Variants in API5 observed in about 807,000 individuals in gnomAD.
API5 encodes the protein apoptosis inhibitor 5, also known as FIF.
A neutral mutation model predicts 71.9 loss-of-function variants in API5; 6 were observed. That is an observed-to-expected ratio of 0.08 (90% CI 0.05 to 0.16). The LOEUF is 0.16. API5 is among the 10% of genes least tolerant of loss of function. The pLI, the probability that API5 is intolerant of heterozygous loss-of-function variation, is 1.00. For missense variants in API5, 332 were observed against 612.8 expected (o/e 0.54, Z 4.84); for synonymous variants, 189 against 221.3 (o/e 0.85, Z 1.30).
chr11:43,330,619 A>AC (rs1235933963), intron 11 of API5, 55 bp downstream of exon 11: 1 of 1,377,824 alleles, frequency 7.3e-7, no homozygotes, highest in Non-Finnish European at 1.0e-6. Flanking sequence ...TCATACATTT[A>AC]TTTATTTAAA....
Position 43,322,424 on chromosome 11 carries a change from CTT to C in API5, c.543+290_543+291del, listed in dbSNP as rs533531958. Among the ~76,000 whole-genome samples, 9 of 152,274 alleles carry C rather than the reference CTT, an allele frequency of 5.9e-5. No homozygotes were observed. The South Asian group carries it at 1.9e-3, about 32-fold the overall frequency. ...TCTGCAAATCACCTCCTTCAGGAAA[CTT>C]TCCCTAAGTCCTACCCCTCCCTTCC... On this transcript the variant is annotated intron_variant, in intron 5 of 13. Coordinates refer to ENST00000531273, the MANE Select transcript of API5 (RefSeq NM_001142930.2).
At chr11:43,340,596 G>A (rs545033977) in intron 13 of API5, among the ~76,000 whole-genome samples, 7 of 151,874 alleles carry the variant, frequency 4.6e-5, no homozygotes, top group Non-Finnish European at 1.0e-4. Flanking sequence ...CAGAGCAATG[G>A]AACAGAACAG....
chr11:43,338,547 A>C (rs1480142536), intron 13 of API5, among the ~76,000 whole-genome samples: 6 of 151,818 alleles, frequency 4.0e-5, no homozygotes, highest in Non-Finnish European at 7.4e-5. Flanking sequence ...AACTATTGAA[A>C]AGATCATGAA....
At chr11:43,315,853 C>T (rs925367867) in intron 1 of API5, among the ~76,000 whole-genome samples, 3 of 152,074 alleles carry the variant, frequency 2.0e-5, no homozygotes, top group Non-Finnish European at 4.4e-5. Flanking sequence ...CAAGCTGTGG[C>T]CCACCATTAT....
At chr11:43,335,644 T>C (rs895704161) in intron 12 of API5, among the ~76,000 whole-genome samples, 4 of 152,172 alleles carry the variant, frequency 2.6e-5, no homozygotes, top group Non-Finnish European at 5.9e-5. Context: ...AGCTACATAT[T>C]TCAGATTATT....
At chr11:43,327,045 T>C (rs1170696698) in intron 7 of API5, among the ~76,000 whole-genome samples, 1 of 152,262 alleles carries the variant, frequency 6.6e-6, no homozygotes, top group Admixed American at 6.5e-5. Context: ...TACATTTGTT[T>C]ATAATCTCTC....
Position 43,342,540 on chromosome 11 carries a change from A to C in API5, c.*30A>C. 6.2e-7 allele frequency: 1 copy of C among 1,605,818 alleles called. No individual in the cohort carries two copies. The highest frequency in any genetic ancestry group is 8.5e-7 in the Non-Finnish European group (1 of 1,172,678). ...GACATCAGCATTCTTCAGCATTGTC[A>C]TGAGCTTAATATACTTAAATTCTAC... On this transcript the variant is annotated 3_prime_UTR_variant, in exon 14 of 14. Coordinates refer to ENST00000531273, the MANE Select transcript of API5 (RefSeq NM_001142930.2).
chr11:43,318,643 A>G lies in API5; in HGVS notation c.73A>G (p.Lys25Glu), dbSNP rs1854759757. 2 of 1,612,428 alleles carry G rather than the reference A, an allele frequency of 1.2e-6. No individual in the cohort carries two copies. ...ADATEQVGQH[K>E]DAYQVILDGV... ...CCTGCTTTATTTTTTATTTCAGCATAAAGATGCCTATCAAGTGATATTGGA... is the reference window on the plus strand; with the variant it reads ...CCTGCTTTATTTTTTATTTCAGCATGAAGATGCCTATCAAGTGATATTGGA... Residue 25 changes from lysine (K) to glutamate (E), a missense_variant, in exon 2 of 14, where the codon AAA becomes GAA. By Grantham distance (56) the Lys-to-Glu change is moderately conservative. This residue lies in a region of API5 where 127 missense variants were observed against 237.6 expected (regional missense o/e 0.53). Transcript: ENST00000531273.
chr11:43,333,249 A>G (rs1167888686), intron 11 of API5, among the ~76,000 whole-genome samples: 1 of 151,812 alleles, frequency 6.6e-6, no homozygotes, highest in Admixed American at 6.6e-5. Context: ...ACCTACACAA[A>G]CCCTCCCCTA....
intron 1 of API5, among the ~76,000 whole-genome samples, chr11:43,315,747 C>T (rs574828200): frequency 5.4e-4 from 82 of 152,230 alleles, no homozygotes; most frequent in Admixed American, 1.1e-3. Context: ...CTCTGCTACT[C>T]CTTCAGGTCT....
rs560113906 is a variant in API5 at position 43,330,464 on chromosome 11, A to G, written c.1222-44A>G. The G allele has an allele frequency of 1.3e-5, 18 of 1,361,672 alleles. 1 individual carries two copies. The South Asian group carries it at 1.9e-4, about 14-fold the overall frequency. 84.3% of individuals were successfully genotyped at this position (1,361,672 alleles called of 1,614,324 possible). ...TATGACAGAATGGATTATGCCTCAT[A>G]GAAGTTATTGGCAATTTGTCTTAAT... On this transcript the variant is annotated intron_variant, in intron 10 of 13. Transcript: ENST00000531273.
In API5 at chr11:43,312,018, G is replaced by T; in HGVS notation, c.-110G>T. On this transcript the variant is annotated 5_prime_UTR_variant, in exon 1 of 14. Coordinates refer to ENST00000531273, the MANE Select transcript of API5 (RefSeq NM_001142930.2). ...GCGGTGACTGGCGGCTGCACTGGCG[G>T]CAGCTGGAGGTGTAATAGTGCGGGT... is the stretch of plus-strand genomic sequence containing the variant. 8.1e-7 allele frequency: 1 copy of T among 1,229,804 alleles called. No homozygotes were observed. The highest frequency in any genetic ancestry group is 1.1e-6 in the Non-Finnish European group (1 of 871,378). 76.2% of individuals were successfully genotyped at this position (1,229,804 alleles called of 1,614,324 possible).
In API5 at chr11:43,312,016, CG is replaced by C. The variant is rs1222467121; in HGVS notation, c.-110del. 10 of 1,209,494 alleles carry C rather than the reference CG, an allele frequency of 8.3e-6. No homozygotes were observed. The highest frequency in any genetic ancestry group is 1.2e-5 in the Non-Finnish European group (10 of 853,196). The allele number at this position is 1,209,494 out of a possible 1,614,324, so 74.9% of individuals were successfully genotyped here. ...GCGCGGTGACTGGCGGCTGCACTGG[CG>C]GCAGCTGGAGGTGTAATAGTGCGGG... is the stretch of plus-strand genomic sequence containing the variant. On this transcript the variant is annotated 5_prime_UTR_variant, in exon 1 of 14. Coordinates refer to ENST00000531273, the MANE Select transcript of API5 (RefSeq NM_001142930.2).
intron 11 of API5, 104 bp from the exon 12 acceptor site, chr11:43,335,174 T>C (rs2053316056): frequency 3.7e-6 from 3 of 803,998 alleles, no homozygotes; most frequent in Non-Finnish European, 6.4e-6. Flanking sequence ...AAGCTCTGTC[T>C]CCTAAATTGA....
At chr11:43,335,489 A>G in intron 12 of API5, 135 bp downstream of exon 12, 1 of 591,156 alleles carries the variant, frequency 1.7e-6, no homozygotes, top group South Asian at 2.4e-5. Context: ...ATGACTTAAA[A>G]TGTAAAATCT....
intron 13 of API5, among the ~76,000 whole-genome samples, chr11:43,338,719 A>G (rs1046651548): frequency 6.6e-6 from 1 of 151,934 alleles, no homozygotes; most frequent in Non-Finnish European, 1.5e-5. Context: ...ACCTTCATAC[A>G]GTGTATTTAA....
At position 43,323,649 on chromosome 11, in the gene API5, T is replaced by G. The variant is rs372483451; in HGVS notation, c.750+13T>G. ...ACCCCTCTTCTCTGTGAGCTCTTTA[T>G]TTTTACACACCCGGTATTAGCTATA... On this transcript the variant is annotated intron_variant, in intron 6 of 13. Coordinates refer to ENST00000531273, the MANE Select transcript of API5 (RefSeq NM_001142930.2). 11 of 1,609,730 alleles carry G rather than the reference T, an allele frequency of 6.8e-6. No homozygotes were observed. The African/African-American group carries it at 1.2e-4, about 18-fold the overall frequency.
rs114737354 is a variant in API5 at position 43,313,566 on chromosome 11, G to A, written c.69+1370G>A. On this transcript the variant is annotated intron_variant, in intron 1 of 13. Transcript: ENST00000531273. ...CCTTTTCTTAACATAATTCAAATAG[G>A]ACTTTTCTGAGCTGAACGAAAAAAA... is the stretch of plus-strand genomic sequence containing the variant. Among the ~76,000 whole-genome samples, 700 of 151,812 alleles carry A rather than the reference G, an allele frequency of 4.6e-3. 1 individual carries two copies. The highest frequency in any genetic ancestry group is 0.016 in the African/African-American group (675 of 41,394).
intron 1 of API5, among the ~76,000 whole-genome samples, chr11:43,312,605 A>G (rs1236037912): frequency 1.3e-5 from 2 of 151,110 alleles, no homozygotes; most frequent in Non-Finnish European, 2.9e-5. Flanking sequence ...TTTGGGGGGG[A>G]GGCAAAATTC....
Sources: allele counts gnomAD v4.1 joint callset (sites outside exome capture counted in the v4.1 genomes callset), GRCh38; gene constraint gnomAD v4.1.1; regional missense constraint gnomAD v4.1.1; transcripts MANE v1.5; gene names NCBI Gene and HGNC (gene_info 2026-07-23, HGNC 2026-07-21).